The following POLR3E variants were observed in gnomAD, a reference collection of about 807,000 sequenced individuals.
POLR3E encodes DNA-directed RNA polymerase III subunit RPC5.
In POLR3E, 41 loss-of-function variants were observed where a neutral mutation model predicts 96.6. The observed-to-expected ratio is 0.42, with a 90% CI of 0.33 to 0.55. The LOEUF (loss-of-function observed/expected upper bound fraction) is 0.55. Ranked by LOEUF, POLR3E falls within the 20% of genes least tolerant of loss-of-function variation. The probability of loss-of-function intolerance (pLI) is 0.06; values close to 1 mark genes in which losing one functional copy is unlikely to be tolerated. For synonymous variants in POLR3E, 396 were observed against 383.6 expected, an observed-to-expected ratio of 1.03 and a Z score of -0.38; for missense variants, 849 against 952.1, an observed-to-expected ratio of 0.89 and a Z score of 1.43.
chr16:22,299,685 A>G (rs1598228127), intron 1 of POLR3E, among the ~76,000 whole-genome samples: 1 of 152,170 alleles, frequency 6.6e-6, no homozygotes, highest in Admixed American at 6.5e-5. Context: ...AAGTGCTGGG[A>G]TTACAGGTGT....
intron 6 of POLR3E, 70 bp downstream of exon 6, chr16:22,309,580 C>G: frequency 9.1e-7 from 1 of 1,099,236 alleles, no homozygotes; most frequent in Admixed American, 1.7e-5. Flanking sequence ...GAGTACCTCC[C>G]CAGCCTGGTG....
At chr16:22,319,474 C>CT (rs2048426403) in intron 13 of POLR3E, among the ~76,000 whole-genome samples, 2 of 151,808 alleles carry the variant, frequency 1.3e-5, no homozygotes, top group South Asian at 4.2e-4. Context: ...TCTCGGCTCA[C>CT]TGCAAGCTCT....
At position 22,325,191 on chromosome 16, in the gene POLR3E, A is replaced by T; in HGVS notation, c.1287-14A>T. Reference sequence around the variant, plus strand: ...GACGTGGTTTAAAGTTAATGGGGTTACTCTTCTTTTCAGACTGGAAAAAGT... The same window carrying T: ...GACGTGGTTTAAAGTTAATGGGGTTTCTCTTCTTTTCAGACTGGAAAAAGT... On this transcript the variant is annotated splice_polypyrimidine_tract_variant and intron_variant, in intron 16 of 20. Transcript: ENST00000299853. The T allele has an allele frequency of 6.2e-7, 1 of 1,602,572 alleles. No homozygotes were observed. Among genetic ancestry groups the T allele is most frequent in the Non-Finnish European group, 8.5e-7 (1 of 1,169,968 alleles).
chr16:22,299,975 A>T (rs752007381), intron 1 of POLR3E, among the ~76,000 whole-genome samples: 1 of 152,058 alleles, frequency 6.6e-6, no homozygotes, highest in Non-Finnish European at 1.5e-5. Context: ...TAAGCCTCCC[A>T]AAGTGTTGGG....
In POLR3E at chr16:22,319,005, A is replaced by C. The variant is rs942247398; in HGVS notation, c.986+59A>C. ...ATTTTTTTCCTTGAGGCAGAGCTTC[A>C]CTCTTGTTGCCCAGGCTGGTGTGTA... On this transcript the variant is annotated intron_variant, in intron 13 of 20. Transcript: ENST00000299853. 3.8e-6 allele frequency: 5 copies of C among 1,317,026 alleles called. No individual in the cohort carries two copies. In the African/African-American group the frequency reaches 7.6e-5, roughly 20 times the overall value. The allele number at this position is 1,317,026 out of a possible 1,614,324, so 81.6% of individuals were successfully genotyped here. A position where few individuals can be genotyped will look rare whatever the true frequency, so the allele number is the denominator to read the frequency against.
intron 2 of POLR3E, among the ~76,000 whole-genome samples, chr16:22,304,675 G>A (rs1377342183): frequency 1.3e-5 from 2 of 152,084 alleles, no homozygotes; most frequent in Non-Finnish European, 2.9e-5. Flanking sequence ...GGGTGGGGGT[G>A]GTTAGTGTTG....
rs1393225159 is a variant in POLR3E, at chr16:22,313,307, A to G, written c.365-313A>G. Reference sequence around the variant, plus strand: ...CGAATTTGATGAGGATTAGCTGCCTAGTGTTGCAAAGCGAGCAGCTGGGGA... The same window carrying G: ...CGAATTTGATGAGGATTAGCTGCCTGGTGTTGCAAAGCGAGCAGCTGGGGA... On this transcript the variant is annotated intron_variant, in intron 6 of 20. Coordinates refer to ENST00000299853, the MANE Select transcript of POLR3E (RefSeq NM_018119.4). The surrounding 1 kb of genome is among the most constrained non-coding windows in gnomAD (Gnocchi z 4.1). Among the ~76,000 whole-genome samples the G allele has an allele frequency of 2.0e-5, 3 of 152,188 alleles. No individual in the cohort carries two copies. The highest frequency in any genetic ancestry group is 4.4e-5 in the Non-Finnish European group (3 of 68,032).
chr16:22,314,035 G>C lies in POLR3E; in HGVS notation c.473-44G>C, dbSNP rs779667621. On this transcript the variant is annotated intron_variant, in intron 7 of 20. Coordinates refer to ENST00000299853, the MANE Select transcript of POLR3E (RefSeq NM_018119.4). Reference sequence around the variant, plus strand: ...CGGGTGGGGTTGAGAGAAGGGAGGTGGAGGCTCCCCAGGACTGCAGTCAGT... The same window carrying C: ...CGGGTGGGGTTGAGAGAAGGGAGGTCGAGGCTCCCCAGGACTGCAGTCAGT... 3.8e-6 allele frequency: 6 copies of C among 1,568,920 alleles called. No individual in the cohort carries two copies. The African/African-American group carries it at 6.8e-5, about 18-fold the overall frequency.
chr16:22,317,042 G>A lies in POLR3E; in HGVS notation c.773+3G>A. 1.2e-6 allele frequency: 2 copies of A among 1,614,142 alleles called. No homozygotes were observed. The highest frequency in any genetic ancestry group is 4.5e-5 in the East Asian group (2 of 44,882). ...CCACCCAGCCAGGAGGAGGAGAAGT[G>A]AGTAGAGGCGGCAGGACACCCTCTC... On this transcript the variant is annotated splice_donor_region_variant and intron_variant, in intron 11 of 20. Coordinates refer to ENST00000299853, the MANE Select transcript of POLR3E (RefSeq NM_018119.4).
intron 2 of POLR3E, among the ~76,000 whole-genome samples, chr16:22,304,659 G>A (rs768083701): frequency 2.9e-4 from 44 of 152,254 alleles, no homozygotes; most frequent in Middle Eastern, 3.4e-3. Flanking sequence ...AAACTGCTGC[G>A]TGGCGGGGTG....
intron 6 of POLR3E, among the ~76,000 whole-genome samples, chr16:22,310,622 T>TTA (rs1555481363): frequency 5.1e-5 from 7 of 137,638 alleles, no homozygotes; most frequent in Non-Finnish European, 1.1e-4. Flanking sequence ...TTAAAAAGTT[T>TTA]AAAAAAAAAA....
At chr16:22,303,142 C>T in intron 2 of POLR3E, 138 bp downstream of exon 2, 1 of 814,640 alleles carries the variant, frequency 1.2e-6, no homozygotes. Flanking sequence ...GCCTGGTCCC[C>T]TCTGCTGTCC....
chr16:22,322,480 T>A lies in POLR3E; in HGVS notation c.987-370T>A, dbSNP rs567630886. Among the ~76,000 whole-genome samples the A allele has an allele frequency of 2.2e-4, 33 of 152,116 alleles. No homozygotes were observed. Among genetic ancestry groups the A allele is most frequent in the Admixed American group, 7.2e-4 (11 of 15,280 alleles). ...GCAGATGGCTTCATCCCTGGTTCTC[T>A]TGGTGTCACGTGCAGGGACCAGTTG... On this transcript the variant is annotated intron_variant, in intron 13 of 20. Transcript: ENST00000299853. The surrounding 1 kb of genome is among the most constrained non-coding windows in gnomAD (Gnocchi z 5.2).
chr16:22,326,039 G>A lies in POLR3E; in HGVS notation c.1627G>A (p.Asp543Asn). The change falls in exon 18 of 21, where the codon GAC becomes AAC. Residue 543 changes from aspartate (D) to asparagine (N), a missense_variant. Physicochemically the swap from Asp to Asn is conservative, Grantham distance 23. Transcript: ENST00000299853. ...GLPLGRAAGT[D>N]SFNGHPPQGC... is the part of the protein sequence containing the mutation. ...GCCTCTCGGGCGGGCTGCGGGCACA[G>A]ACAGCTTCAACGGGCACCCGCCCCA... 6.2e-7 allele frequency: 1 copy of A among 1,605,286 alleles called. No individual in the cohort carries two copies. Among genetic ancestry groups the A allele is most frequent in the Non-Finnish European group, 8.5e-7 (1 of 1,174,616 alleles).
intron 15 of POLR3E, 25 bp downstream of exon 15, chr16:22,324,438 G>T (rs2048534814): frequency 6.2e-7 from 1 of 1,611,192 alleles, no homozygotes; most frequent in African/African-American, 1.3e-5. Context: ...TGTGGTCTGA[G>T]GCCCAGGCTG....
Position 22,325,880 on chromosome 16 carries a change from G to A in POLR3E, c.1468G>A (p.Ala490Thr). Residue 490 changes from alanine (A) to threonine (T), a missense_variant, in exon 18 of 21, where the codon GCG becomes ACG. By Grantham distance (58) the Ala-to-Thr change is moderately conservative. Transcript: ENST00000299853. ...GCGGAAGGAGCAGCTGCGGGTGCCT[G>A]CGGTCCCGCCCGGTGTGCGGATCAA... ...QRRKEQLRVP[A>T]VPPGVRIKEE... 1.9e-6 allele frequency: 3 copies of A among 1,610,698 alleles called. No homozygotes were observed. The highest frequency in any genetic ancestry group is 2.5e-6 in the Non-Finnish European group (3 of 1,178,668).
At chr16:22,332,652 T>G (rs1357957512) in intron 20 of POLR3E, among the ~76,000 whole-genome samples, 1 of 152,196 alleles carries the variant, frequency 6.6e-6, no homozygotes, top group Non-Finnish European at 1.5e-5. Context: ...ATCCTCACTC[T>G]ACTCTCCCTT....
chr16:22,311,966 A>C (rs1350107255), intron 6 of POLR3E, among the ~76,000 whole-genome samples: 2 of 152,192 alleles, frequency 1.3e-5, no homozygotes, highest in East Asian at 3.9e-4. Flanking sequence ...CGATGTTTGC[A>C]CAACGATGAA....
At chr16:22,316,896 G>T in intron 10 of POLR3E, 99 bp from the exon 11 acceptor site, 1 of 1,149,076 alleles carries the variant, frequency 8.7e-7, no homozygotes, top group South Asian at 1.2e-5. Context: ...GCGGGGGTGG[G>T]CTGTCTGCAC....
Sources: allele counts gnomAD v4.1 joint callset (sites outside exome capture counted in the v4.1 genomes callset), GRCh38; gene constraint gnomAD v4.1.1; non-coding constraint Gnocchi (gnomAD v3.1); transcripts MANE v1.5; gene names NCBI Gene and HGNC (gene_info 2026-07-23, HGNC 2026-07-21).